Variants in KIF16B observed in about 807,000 individuals in gnomAD.
The protein encoded by KIF16B is kinesin family member 16B.
Under a neutral mutation model 156.3 loss-of-function variants are expected in KIF16B, and 98 were observed. That is an observed-to-expected ratio of 0.63 (90% CI 0.53 to 0.74). The LOEUF is 0.74. Among genes scored for constraint, KIF16B ranks in the 30% least tolerant of loss-of-function variants. KIF16B has a pLI of 0.00. For missense variants in KIF16B, 1,421 were observed against 1,606.5 expected, an observed-to-expected ratio of 0.88 and a Z score of 1.97; for synonymous variants, 564 against 583.7, an observed-to-expected ratio of 0.97 and a Z score of 0.49.
intron 24 of KIF16B, among the ~76,000 whole-genome samples, chr20:16,326,279 A>AG (rs778384189): frequency 1.9e-4 from 23 of 121,220 alleles, no homozygotes; most frequent in Admixed American, 7.0e-4. Context: ...CAAATGCAAC[A>AG]AAAAAAAAAA....
intron 17 of KIF16B, among the ~76,000 whole-genome samples, chr20:16,402,313 T>A (rs564322817): frequency 6.6e-6 from 1 of 152,312 alleles, no homozygotes; most frequent in South Asian, 2.1e-4. Context: ...GATTTATTTT[T>A]AAATTATCTG....
Position 16,564,072 on chromosome 20 carries a change from A to T in KIF16B, c.47+9157T>A, listed in dbSNP as rs908028986. ...TCTCTTCTTCAAAACAAAAAGAGAC[A>T]AACAAAAAAATCTGTCTTCTGCTGA... is the stretch of plus-strand genomic sequence containing the variant. On this transcript the variant is annotated intron_variant, in intron 1 of 25. Coordinates refer to ENST00000354981, the MANE Select transcript of KIF16B (RefSeq NM_024704.5). Among the ~76,000 whole-genome samples, 5 of 150,838 alleles carry T rather than the reference A, an allele frequency of 3.3e-5. No individual in the cohort carries two copies. In the East Asian group the frequency reaches 7.7e-4, roughly 23 times the overall value.
At chr20:16,508,150 A>G in intron 6 of KIF16B, 50 bp from the exon 7 acceptor site, 1 of 1,590,198 alleles carries the variant, frequency 6.3e-7, no homozygotes, top group East Asian at 2.2e-5. Flanking sequence ...TATATAGGAA[A>G]TGGAATACAA....
At chr20:16,381,969 T>C in intron 17 of KIF16B, 2 of 831,586 alleles carry the variant, frequency 2.4e-6, no homozygotes, top group Middle Eastern at 3.0e-4. Context: ...AAAGAACAGA[T>C]TTTACTTGAA....
intron 22 of KIF16B, among the ~76,000 whole-genome samples, chr20:16,366,223 C>A (rs541735503): frequency 6.6e-6 from 1 of 151,972 alleles, no homozygotes; most frequent in African/African-American, 2.4e-5. Context: ...GCAGGGAACT[C>A]GCCTGAGAAG....
In KIF16B at chr20:16,429,016, A is replaced by C; in HGVS notation, c.1423-12T>G. The C allele has an allele frequency of 6.2e-7, 1 of 1,609,776 alleles. No homozygotes were observed. The highest frequency in any genetic ancestry group is 8.5e-7 in the Non-Finnish European group (1 of 1,176,374). ...TATGTCTGACCTTCCTGGGAAGAAA[A>C]CCCAAGCAAAATGTATTAGTAAGAA... On this transcript the variant is annotated splice_polypyrimidine_tract_variant and intron_variant, in intron 13 of 25. Coordinates refer to ENST00000354981, the MANE Select transcript of KIF16B (RefSeq NM_024704.5).
chr20:16,505,969 C>T (rs977754739), intron 8 of KIF16B, 53 bp downstream of exon 8: 1 of 1,608,470 alleles, frequency 6.2e-7, no homozygotes, highest in African/African-American at 1.3e-5. Context: ...AAATATTACA[C>T]ATGAGGAAAA....
At chr20:16,565,414 G>C (rs553313691) in intron 1 of KIF16B, among the ~76,000 whole-genome samples, 1 of 152,170 alleles carries the variant, frequency 6.6e-6, no homozygotes, top group African/African-American at 2.4e-5. Context: ...TGTGAAAACA[G>C]TTCTGACGTT....
At chr20:16,470,752 C>T (rs1473810229) in intron 12 of KIF16B, among the ~76,000 whole-genome samples, 5 of 151,914 alleles carry the variant, frequency 3.3e-5, no homozygotes, top group South Asian at 2.1e-4. Flanking sequence ...CCAACTCAGC[C>T]TCTCAAAGTG....
Position 16,531,017 on chromosome 20 carries a change from AG to A in KIF16B, c.48-2578del, listed in dbSNP as rs372272040. ...TGCCTGGTCAATACATATTGTTTTA[AG>A]CCCCTAAGTTTTGGGGTAATTTGTT... On this transcript the variant is annotated intron_variant, in intron 1 of 25. Coordinates refer to ENST00000354981, the MANE Select transcript of KIF16B (RefSeq NM_024704.5). 2.3e-3 allele frequency among the ~76,000 whole-genome samples: 357 copies of A among 152,210 alleles called. 2 individuals are homozygous for A. The highest frequency in any genetic ancestry group is 3.6e-3 in the Non-Finnish European group (242 of 68,006).
intron 1 of KIF16B, among the ~76,000 whole-genome samples, chr20:16,550,385 A>T (rs77358236): frequency 6.6e-6 from 1 of 152,154 alleles, no homozygotes; most frequent in South Asian, 2.1e-4. Flanking sequence ...TAGGAACACT[A>T]TTACACTGTT....
At chr20:16,303,300 T>C (rs2063498042) in intron 25 of KIF16B, among the ~76,000 whole-genome samples, 1 of 152,256 alleles carries the variant, frequency 6.6e-6, no homozygotes, top group South Asian at 2.1e-4. Context: ...GATCTAATGG[T>C]TCTATAGTGT....
rs2063194204 is a variant in KIF16B, at chr20:16,284,514, CT to C, written c.3796-11104del. On this transcript the variant is annotated intron_variant, in intron 25 of 25. Transcript: ENST00000354981. Reference sequence around the variant, plus strand: ...GAAACAATTTTTACTTTCACTCTCTCTTTTTTCACACTGACACTTCAAATCT... The same window carrying C: ...GAAACAATTTTTACTTTCACTCTCTCTTTTTCACACTGACACTTCAAATCT... 3.3e-5 allele frequency among the ~76,000 whole-genome samples: 5 copies of C among 152,258 alleles called. No homozygotes were observed. In the South Asian group the frequency reaches 1.0e-3, roughly 32 times the overall value.
At chr20:16,391,333 C>T (rs993853325) in intron 17 of KIF16B, among the ~76,000 whole-genome samples, 5 of 152,160 alleles carry the variant, frequency 3.3e-5, no homozygotes, top group Non-Finnish European at 4.4e-5. Context: ...TATCACAGCA[C>T]GGGGCAGGAC....
At chr20:16,548,366 G>C (rs2070493637) in intron 1 of KIF16B, among the ~76,000 whole-genome samples, 1 of 152,196 alleles carries the variant, frequency 6.6e-6, no homozygotes, top group African/African-American at 2.4e-5. Flanking sequence ...GCTCCTTTCA[G>C]AGCTGTATCT....
chr20:16,380,276 A>AT (rs1170417956), intron 18 of KIF16B, 113 bp from the exon 19 acceptor site: 19 of 983,518 alleles, frequency 1.9e-5, no homozygotes, highest in Non-Finnish European at 2.5e-5. Flanking sequence ...CTCCATTAAA[A>AT]TAAAAAAAAG....
intron 12 of KIF16B, among the ~76,000 whole-genome samples, chr20:16,483,694 G>GT (rs1277793356): frequency 1.3e-5 from 2 of 152,160 alleles, no homozygotes; most frequent in Non-Finnish European, 2.9e-5. Flanking sequence ...GAAACAGAAA[G>GT]TGAGTGGTGA....
Position 16,378,957 on chromosome 20 carries a change from T to C in KIF16B, c.3045A>G (p.Arg1015=), listed in dbSNP as rs1568909806. The change falls in exon 19 of 26, where the codon AGA becomes AGG. Residue 1015 remains arginine (R), a synonymous_variant. Coordinates refer to ENST00000354981, the MANE Select transcript of KIF16B (RefSeq NM_024704.5). ...LERALARLER[R]HSALQRHSTL... Reference sequence around the variant, plus strand: ...TGGAGTGCCTCTGCAGCGCAGAATGTCTCCTCTCCAGCCTGGCCAGGGCCC... The same window carrying C: ...TGGAGTGCCTCTGCAGCGCAGAATGCCTCCTCTCCAGCCTGGCCAGGGCCC... 1 of 1,613,972 alleles carries C rather than the reference T, an allele frequency of 6.2e-7. No individual in the cohort carries two copies. Among genetic ancestry groups the C allele is most frequent in the East Asian group, 2.2e-5 (1 of 44,870 alleles).
chr20:16,375,377 T>C (rs566406280), intron 19 of KIF16B, among the ~76,000 whole-genome samples: 3 of 152,344 alleles, frequency 2.0e-5, no homozygotes, highest in African/African-American at 7.2e-5. Context: ...CATGATGCTG[T>C]CAACCCTCTG....
Sources: allele counts gnomAD v4.1 joint callset (sites outside exome capture counted in the v4.1 genomes callset), GRCh38; gene constraint gnomAD v4.1.1; transcripts MANE v1.5; gene names NCBI Gene and HGNC (gene_info 2026-07-23, HGNC 2026-07-21).